SPAG4: variants seen among roughly 807,000 people sequenced by gnomAD.
SPAG4 encodes the protein sperm associated antigen 4, also known as sperm-associated antigen 4 protein.
In SPAG4, 54 loss-of-function variants were observed where a neutral mutation model predicts 53.9. The observed-to-expected ratio is 1.00, with a 90% CI of 0.80 to 1.26. The LOEUF is 1.26. SPAG4 is among the 50% of genes most tolerant of loss of function. The probability of loss-of-function intolerance (pLI) is 0.00; values close to 1 mark genes in which losing one functional copy is unlikely to be tolerated. For synonymous variants in SPAG4, 246 were observed against 237.4 expected (o/e 1.04, Z -0.33); for missense variants, 548 against 568.6 (o/e 0.96, Z 0.37).
In SPAG4 at chr20:35,615,877, C is replaced by A; in HGVS notation, c.-127C>A. On this transcript the variant is annotated 5_prime_UTR_variant, in exon 1 of 12. Transcript: ENST00000374273. ...CACAGCGGGAGGGCAGGTGCGGCCG[C>A]GGGGCCTGCCGACTTCACGCAGGGT... 1.2e-6 allele frequency: 1 copy of A among 849,206 alleles called. No individual in the cohort carries two copies. The highest frequency in any genetic ancestry group is 1.7e-6 in the Non-Finnish European group (1 of 576,568). 52.6% of individuals were successfully genotyped at this position (849,206 alleles called of 1,614,324 possible). A position where few individuals can be genotyped will look rare whatever the true frequency, so the allele number is the denominator to read the frequency against.
At chr20:35,617,633 G>A (rs760573765) in intron 3 of SPAG4, 47 bp downstream of exon 3, 1 of 1,602,044 alleles carries the variant, frequency 6.2e-7, no homozygotes, top group Non-Finnish European at 8.5e-7. Context: ...CTTTGGAGGG[G>A]GTGGGGAGCA....
chr20:35,617,305 C>T (rs2031421500), intron 2 of SPAG4, 65 bp downstream of exon 2: 2 of 1,191,316 alleles, frequency 1.7e-6, no homozygotes, highest in African/African-American at 3.0e-5. Flanking sequence ...CTCCAGTTCT[C>T]TCTGAGCCCC....
rs1486676183 is a variant in SPAG4 at position 35,615,857 on chromosome 20, C to CG, written c.-144dup. 1.5e-5 allele frequency: 10 copies of CG among 675,156 alleles called. No individual in the cohort carries two copies. Among genetic ancestry groups the CG allele is most frequent in the Non-Finnish European group, 2.4e-5 (10 of 422,368 alleles). The allele number at this position is 675,156 out of a possible 1,614,324, so 41.8% of individuals were successfully genotyped here. A position where few individuals can be genotyped will look rare whatever the true frequency, so the allele number is the denominator to read the frequency against. On this transcript the variant is annotated 5_prime_UTR_variant, in exon 1 of 12. Transcript: ENST00000374273. ...ACGTCAGCAGCCGGCCGGGACACAG[C>CG]GGGAGGGCAGGTGCGGCCGCGGGGC...
chr20:35,619,861 A>G lies in SPAG4; in HGVS notation c.1077+115A>G, dbSNP rs376787314. 101 of 1,079,628 alleles carry G rather than the reference A, an allele frequency of 9.4e-5. 1 individual carries two copies. In the East Asian group the frequency reaches 1.2e-3, roughly 12 times the overall value. The allele number at this position is 1,079,628 out of a possible 1,614,324, so 66.9% of individuals were successfully genotyped here. Reference sequence around the variant, plus strand: ...TGCTCATCTATAAAATGAAGATACTACTATTTGCCTCTCAGAGCTGCTGTA... The same window carrying G: ...TGCTCATCTATAAAATGAAGATACTGCTATTTGCCTCTCAGAGCTGCTGTA... On this transcript the variant is annotated intron_variant, in intron 10 of 11. Transcript: ENST00000374273.
At chr20:35,618,210 G>T (rs889166209) in intron 5 of SPAG4, 80 bp downstream of exon 5, 4 of 1,393,118 alleles carry the variant, frequency 2.9e-6, no homozygotes, top group Non-Finnish European at 4.0e-6. Context: ...TGGACTGTCG[G>T]TCTGCTGGGG....
rs200096404 is a variant in SPAG4, at chr20:35,618,087, C to T, written c.539C>T (p.Ala180Val). ...GAGACCCCTCCCTCTCTTTCTCCAG[C>T]ATTCTGGCTGGGGCTTCTGTACCTG... Reference protein sequence around the residue: ...AVSLLSLFLSAFWLGLLYLVS... With the variant: ...AVSLLSLFLSVFWLGLLYLVS... The change falls in exon 5 of 12, where the codon GCA becomes GTA. Residue 180 changes from alanine (A) to valine (V), a missense_variant and splice_region_variant. Physicochemically the swap from Ala to Val is moderately conservative, Grantham distance 64. Coordinates refer to ENST00000374273, the MANE Select transcript of SPAG4 (RefSeq NM_003116.3). 72 of 1,613,492 alleles carry T rather than the reference C, an allele frequency of 4.5e-5. No individual in the cohort carries two copies. Among genetic ancestry groups the T allele is most frequent in the Non-Finnish European group, 5.8e-5 (68 of 1,179,756 alleles).
chr20:35,619,558 G>A (rs779398445), intron 9 of SPAG4, 21 bp from the exon 10 acceptor site: 26 of 1,607,152 alleles, frequency 1.6e-5, no homozygotes, highest in Non-Finnish European at 2.1e-5. Context: ...CGGTTCCGAT[G>A]GTCCCTCCGC....
At position 35,616,154 on chromosome 20, in the gene SPAG4, A is replaced by C; in HGVS notation, c.151A>C (p.Arg51=). 1 of 1,601,944 alleles carries C rather than the reference A, an allele frequency of 6.2e-7. No homozygotes were observed. Among genetic ancestry groups the C allele is most frequent in the Non-Finnish European group, 8.5e-7 (1 of 1,175,120 alleles). ...CGGGCCTGGGGAGCCCGAGGGCAGA[A>C]GAGCCCGGGGCCCGAGCTGCGGTGA... ...EPGPGEPEGR[R]ARGPSCGEPA... Residue 51 remains arginine, a synonymous_variant, in exon 1 of 12, where the codon AGA becomes CGA. Coordinates refer to ENST00000374273, the MANE Select transcript of SPAG4 (RefSeq NM_003116.3).
chr20:35,620,624 C>CCG (rs756555240), intron 10 of SPAG4, 60 bp from the exon 11 acceptor site: 2 of 436,034 alleles, frequency 4.6e-6, no homozygotes, highest in African/African-American at 2.5e-5. Context: ...TTTCTTCTCC[C>CCG]CGCCCCCCCC....
rs544057685 is a variant in SPAG4, at chr20:35,619,132, C to A, written c.794-63C>A. The A allele has an allele frequency of 8.3e-4, 1,095 of 1,319,152 alleles. 1 individual carries two copies. The highest frequency in any genetic ancestry group is 1.1e-3 in the Non-Finnish European group (1,013 of 932,132). 81.7% of individuals were successfully genotyped at this position (1,319,152 alleles called of 1,614,324 possible). On this transcript the variant is annotated intron_variant, in intron 8 of 11. Transcript: ENST00000374273. ...CCCCCACCCGCCCCCAGCCCCCGCG[C>A]CCCCGCGCCCCGACTCCCGGCAAGG...
rs763330154 is a variant in SPAG4, at chr20:35,616,327, C to T, written c.304+20C>T. On this transcript the variant is annotated intron_variant, in intron 1 of 11. Transcript: ENST00000374273. ...CCTCGGGTGCGGGCGGGGTCGACCC[C>T]GGGTGAGCCAGTGGAGGGGGCGGGG... 2.2e-5 allele frequency: 25 copies of T among 1,142,750 alleles called. No individual in the cohort carries two copies. The highest frequency in any genetic ancestry group is 2.7e-5 in the Non-Finnish European group (25 of 911,638). The allele number at this position is 1,142,750 out of a possible 1,614,324, so 70.8% of individuals were successfully genotyped here. A position where few individuals can be genotyped will look rare whatever the true frequency, so the allele number is the denominator to read the frequency against.
rs370031819 is a variant in SPAG4 at position 35,619,674 on chromosome 20, T to C, written c.1005T>C (p.Thr335=). Residue 335 remains threonine, a synonymous_variant, in exon 10 of 12, where the codon ACT becomes ACC. Coordinates refer to ENST00000374273, the MANE Select transcript of SPAG4 (RefSeq NM_003116.3). ...GCCGAGTGCAGCTGAGCGACATCACTCTGCAGCATCCACCGCCCAGCGTGG... is the reference window on the plus strand; with the variant it reads ...GCCGAGTGCAGCTGAGCGACATCACCCTGCAGCATCCACCGCCCAGCGTGG... The part of the protein sequence containing the change: ...LPGRVQLSDI[T]LQHPPPSVEH... 27 of 1,613,698 alleles carry C rather than the reference T, an allele frequency of 1.7e-5. No homozygotes were observed. The highest frequency in any genetic ancestry group is 2.2e-5 in the Non-Finnish European group (26 of 1,179,938).
intron 10 of SPAG4, among the ~76,000 whole-genome samples, chr20:35,620,186 G>T (rs889950158): frequency 6.6e-6 from 1 of 152,130 alleles, no homozygotes; most frequent in African/African-American, 2.4e-5. Flanking sequence ...GGCCAGGATG[G>T]TCTCAAACTC....
chr20:35,620,688 TC>T lies in SPAG4; in HGVS notation c.1084del (p.Gln362ArgfsTer38), dbSNP rs754090915. On this transcript the variant is annotated frameshift_variant, in exon 11 of 12. Coordinates refer to ENST00000374273, the MANE Select transcript of SPAG4 (RefSeq NM_003116.3). LOFTEE classifies it high-confidence loss of function. Reference protein sequence around the residue: ...SAPRDFAVFGLQVYDETEVSL... With the variant: ...SAPRDFAVFGXQVYDETEVSL... ...CTTTCATTCTTCACCCACCAGGGCC[TC>T]CAGGTTTATGATGAAACTGAAGTTT... is the stretch of plus-strand genomic sequence containing the variant. 7.5e-7 allele frequency: 1 copy of T among 1,333,656 alleles called. No individual in the cohort carries two copies. The highest frequency in any genetic ancestry group is 9.9e-7 in the Non-Finnish European group (1 of 1,014,926). The allele number at this position is 1,333,656 out of a possible 1,614,324, so 82.6% of individuals were successfully genotyped here. A position where few individuals can be genotyped will look rare whatever the true frequency, so the allele number is the denominator to read the frequency against.
Position 35,616,109 on chromosome 20 carries a change from G to A in SPAG4, c.106G>A (p.Gly36Arg), listed in dbSNP as rs1183707112. The stretch of plus-strand genomic sequence containing the variant: ...GAGCATCACCTCGGAGGACAGCAAA[G>A]GGCTCCGGTCAGCGGAGCCCGGGCC... ...SMSITSEDSKGLRSAEPGPGE... is the reference protein window; with the variant it reads ...SMSITSEDSKRLRSAEPGPGE... The change falls in exon 1 of 12, where the codon GGG (glycine) becomes AGG (arginine). Residue 36 changes from glycine (G) to arginine (R), a missense_variant. Physicochemically the swap from Gly to Arg is moderately radical, Grantham distance 125. Coordinates refer to ENST00000374273, the MANE Select transcript of SPAG4 (RefSeq NM_003116.3). 1 of 1,608,190 alleles carries A rather than the reference G, an allele frequency of 6.2e-7. No homozygotes were observed. Among genetic ancestry groups the A allele is most frequent in the Non-Finnish European group, 8.5e-7 (1 of 1,177,920 alleles).
Position 35,617,152 on chromosome 20 carries a change from A to G in SPAG4, c.321A>G (p.Pro107=), listed in dbSNP as rs370900398. ...TTCCCGCAGAACCGACTGGGTCTCC[A>G]GTAGTCTCTGAGGAGCCGCTCGACC... ...RGGASEPTGS[P]VVSEEPLDLL... The change falls in exon 2 of 12, where the codon CCA becomes CCG. Residue 107 remains proline (P), a synonymous_variant. Coordinates refer to ENST00000374273, the MANE Select transcript of SPAG4 (RefSeq NM_003116.3). 2 of 1,589,164 alleles carry G rather than the reference A, an allele frequency of 1.3e-6. No individual in the cohort carries two copies. Among genetic ancestry groups the G allele is most frequent in the Non-Finnish European group, 1.7e-6 (2 of 1,167,386 alleles).
At chr20:35,617,279 G>C in intron 2 of SPAG4, 39 bp downstream of exon 2, 1 of 1,427,476 alleles carries the variant, frequency 7.0e-7, no homozygotes, top group Admixed American at 1.9e-5. Context: ...CTGACCCTCG[G>C]GTTCCCCTCT....
chr20:35,620,624 C>CCT, intron 10 of SPAG4, 60 bp from the exon 11 acceptor site: 3 of 436,136 alleles, frequency 6.9e-6, no homozygotes, highest in South Asian at 2.1e-5. Context: ...TTTCTTCTCC[C>CCT]CGCCCCCCCC....
chr20:35,618,795 A>G (rs2031476354), intron 7 of SPAG4, 75 bp downstream of exon 7: 4 of 1,442,194 alleles, frequency 2.8e-6, no homozygotes, highest in Non-Finnish European at 3.8e-6. Flanking sequence ...CTCCGCCCAG[A>G]GCCCTGCGGG....
Sources: gnomAD v4.1 joint callset for allele counts (sites outside exome capture counted in the v4.1 genomes callset) on GRCh38, gnomAD v4.1.1 for gene constraint, MANE v1.5 for transcripts, NCBI Gene and HGNC (gene_info 2026-07-23, HGNC 2026-07-21) for gene names.